Variants in SUGCT observed in about 807,000 individuals in gnomAD.
The protein encoded by SUGCT is succinyl-CoA:glutarate-CoA transferase, also known as succinyl-CoA:glutarate CoA-transferase.
SUGCT carries 41 observed loss-of-function variants against 55.0 expected under a neutral mutation model. The observed-to-expected ratio is 0.74, with a 90% confidence interval of 0.58 to 0.97. The LOEUF (loss-of-function observed/expected upper bound fraction) is 0.97. SUGCT is among the 50% of genes least tolerant of loss of function. The pLI is 0.00. For missense variants in SUGCT, 568 were observed against 547.8 expected, an observed-to-expected ratio of 1.04 and a Z score of -0.37; for synonymous variants, 187 against 200.4, an observed-to-expected ratio of 0.93 and a Z score of 0.56.
At chr7:40,280,217 A>C (rs1200723985) in intron 8 of SUGCT, among the ~76,000 whole-genome samples, 1 of 152,216 alleles carries the variant, frequency 6.6e-6, no homozygotes, top group Non-Finnish European at 1.5e-5. Flanking sequence ...TGGGCACCAC[A>C]GTTTTTATAG....
At chr7:40,612,043 TAAC>T (rs2151772783) in intron 12 of SUGCT, among the ~76,000 whole-genome samples, 1 of 152,070 alleles carries the variant, frequency 6.6e-6, no homozygotes, top group Non-Finnish European at 1.5e-5. Context: ...CACTGATTAG[TAAC>T]AACATTCTTA....
rs138325012 is a variant in SUGCT, at chr7:40,398,515, C to CT, written c.817-50755dup. ...AACCTGATCGGTAACACTTTACTGGCTTTTTTTTTTTTTTTTTCTAATTTT... is the reference window on the plus strand; with the variant it reads ...AACCTGATCGGTAACACTTTACTGGCTTTTTTTTTTTTTTTTTTCTAATTTT... On this transcript the variant is annotated intron_variant, in intron 9 of 13. Transcript: ENST00000335693. Among the ~76,000 whole-genome samples the CT allele has an allele frequency of 1.2e-3, 159 of 130,936 alleles. 1 individual carries two copies. The highest frequency in any genetic ancestry group is 4.2e-3 in the African/African-American group (151 of 35,854). 85.9% of individuals were successfully genotyped at this position (130,936 alleles called of 152,430 possible).
chr7:40,549,507 A>G (rs1177035396), intron 12 of SUGCT, among the ~76,000 whole-genome samples: 1 of 152,182 alleles, frequency 6.6e-6, no homozygotes, highest in African/African-American at 2.4e-5. Flanking sequence ...GGAATTTATT[A>G]TCTAGTGTGA....
At position 40,799,300 on chromosome 7, in the gene SUGCT, G is replaced by T. The variant is rs549444805; in HGVS notation, c.1153+49803G>T. On this transcript the variant is annotated intron_variant, in intron 13 of 13. Coordinates refer to ENST00000335693, the MANE Select transcript of SUGCT (RefSeq NM_001193313.2). ...TTTTTCTTTTTTAACTAACATCAAGGTTATTGGAAAATTTTGATAGCTTTT... is the reference window on the plus strand; with the variant it reads ...TTTTTCTTTTTTAACTAACATCAAGTTTATTGGAAAATTTTGATAGCTTTT... 1.8e-4 allele frequency among the ~76,000 whole-genome samples: 28 copies of T among 152,130 alleles called. No homozygotes were observed. In the East Asian group the frequency reaches 2.3e-3, roughly 13 times the overall value.
At chr7:40,825,570 C>G (rs1277522314) in intron 13 of SUGCT, among the ~76,000 whole-genome samples, 1 of 152,148 alleles carries the variant, frequency 6.6e-6, no homozygotes, top group Non-Finnish European at 1.5e-5. Context: ...CTGACTTCTT[C>G]AAAGTCCTAA....
chr7:40,975,573 T>G, the SUGCT span, among the ~76,000 whole-genome samples: 1 of 152,250 alleles, frequency 6.6e-6, no homozygotes, highest in Non-Finnish European at 1.5e-5. Flanking sequence ...TCTTCAGTTC[T>G]GTGGCCTTTA....
At chr7:40,919,730 A>AT in the SUGCT span, among the ~76,000 whole-genome samples, 1 of 152,034 alleles carries the variant, frequency 6.6e-6, no homozygotes, top group Admixed American at 6.6e-5. Context: ...ACCCCACTAC[A>AT]TTTTTAGATT....
the SUGCT span, among the ~76,000 whole-genome samples, chr7:40,952,133 G>T: frequency 1.3e-5 from 2 of 152,100 alleles, no homozygotes; most frequent in South Asian, 2.1e-4. Context: ...GAATCTGGGT[G>T]CTCCTGTATT....
At chr7:40,249,174 C>G (rs1293736148) in intron 7 of SUGCT, among the ~76,000 whole-genome samples, 1 of 150,972 alleles carries the variant, frequency 6.6e-6, no homozygotes, top group Non-Finnish European at 1.5e-5. Context: ...AACCTGCAGT[C>G]CCAGCTACTC....
At chr7:40,724,806 A>G (rs1584341553) in intron 12 of SUGCT, among the ~76,000 whole-genome samples, 1 of 151,976 alleles carries the variant, frequency 6.6e-6, no homozygotes, top group African/African-American at 2.4e-5. Flanking sequence ...AACCAACTCT[A>G]TATCCTTTAT....
chr7:40,869,054 A>G, the SUGCT span, among the ~76,000 whole-genome samples: 1 of 152,194 alleles, frequency 6.6e-6, no homozygotes, highest in African/African-American at 2.4e-5. Context: ...ACATTATTCA[A>G]ATTTTACTGA....
intron 6 of SUGCT, among the ~76,000 whole-genome samples, chr7:40,205,891 G>A (rs952119117): frequency 2.0e-5 from 3 of 152,152 alleles, no homozygotes; most frequent in South Asian, 2.1e-4. Flanking sequence ...CAAAGAGATC[G>A]CCTGGGCCTA....
At chr7:40,937,197 C>A in the SUGCT span, among the ~76,000 whole-genome samples, 1 of 152,278 alleles carries the variant, frequency 6.6e-6, no homozygotes, top group African/African-American at 2.4e-5. Context: ...GAGATGAGGT[C>A]TTGCTCTGTA....
intron 12 of SUGCT, among the ~76,000 whole-genome samples, chr7:40,620,603 A>C (rs1345456514): frequency 1.3e-5 from 2 of 152,048 alleles, no homozygotes; most frequent in Non-Finnish European, 2.9e-5. Context: ...AGGTTTTGCC[A>C]TGTTAGCCAG....
At chr7:40,236,042 C>A (rs1298495061) in intron 6 of SUGCT, among the ~76,000 whole-genome samples, 3 of 151,846 alleles carry the variant, frequency 2.0e-5, no homozygotes, top group Admixed American at 6.6e-5. Context: ...TCTGATACAA[C>A]CTTTATTTAT....
At chr7:40,721,476 T>G (rs1786336087) in intron 12 of SUGCT, among the ~76,000 whole-genome samples, 1 of 152,206 alleles carries the variant, frequency 6.6e-6, no homozygotes, top group African/African-American at 2.4e-5. Context: ...AATGGTGAAA[T>G]GCTGCAATGC....
the SUGCT span, among the ~76,000 whole-genome samples, chr7:40,888,581 C>T: frequency 6.6e-6 from 1 of 152,132 alleles, no homozygotes; most frequent in Non-Finnish European, 1.5e-5. Flanking sequence ...AAGCCTTGTG[C>T]TTTAAGGCAC....
chr7:40,670,750 A>G (rs555917010), intron 12 of SUGCT, among the ~76,000 whole-genome samples: 1 of 152,246 alleles, frequency 6.6e-6, no homozygotes, highest in African/African-American at 2.4e-5. Flanking sequence ...AAATAGCCTT[A>G]CAATTATTAA....
At chr7:40,861,179 G>A (rs577633440), downstream of SUGCT, among the ~76,000 whole-genome samples, 6 of 152,318 alleles carry the variant, frequency 3.9e-5, no homozygotes, top group Admixed American at 3.3e-4. Flanking sequence ...TGTCTGCACA[G>A]GTAGGTGAGA....
Sources: allele counts gnomAD v4.1 joint callset (sites outside exome capture counted in the v4.1 genomes callset), GRCh38; gene constraint gnomAD v4.1.1; transcripts MANE v1.5; gene names NCBI Gene and HGNC (gene_info 2026-07-23, HGNC 2026-07-21).